USP6: variants seen among roughly 807,000 people sequenced by gnomAD.
USP6 encodes the protein ubiquitin carboxyl-terminal hydrolase 6.
USP6 carries 128 observed loss-of-function variants against 175.7 expected under a neutral mutation model. The ratio of observed to expected loss-of-function variants is 0.73; its 90% confidence interval spans 0.63 to 0.84. The LOEUF (loss-of-function observed/expected upper bound fraction) is 0.84, where lower values mean the gene tolerates loss of function less well. USP6 is among the 40% of genes least tolerant of loss of function. The probability of loss-of-function intolerance (pLI) is 0.00; values close to 1 mark genes in which losing one functional copy is unlikely to be tolerated. For missense variants in USP6, 1,498 were observed against 1,760.3 expected, an observed-to-expected ratio of 0.85 and a Z score of 2.67; for synonymous variants, 562 against 630.6, an observed-to-expected ratio of 0.89 and a Z score of 1.63.
chr17:5,136,294 A>T (rs1171829574), intron 17 of USP6, among the ~76,000 whole-genome samples: 1 of 152,222 alleles, frequency 6.6e-6, no homozygotes, highest in Admixed American at 6.5e-5. Context: ...GACCAAGCCC[A>T]GGTGGCAGCA....
intron 28 of USP6, 52 bp downstream of exon 28, chr17:5,146,226 T>G (rs1311331314): frequency 2.0e-6 from 3 of 1,523,618 alleles, no homozygotes; most frequent in Non-Finnish European, 2.7e-6. Context: ...AAAGATGACA[T>G]TTTTCTCAAT....
At position 5,147,046 on chromosome 17, in the gene USP6, A is replaced by G. The variant is rs369739310; in HGVS notation, c.2320-37A>G. 3.8e-6 allele frequency: 6 copies of G among 1,566,750 alleles called. No individual in the cohort carries two copies. The African/African-American group carries it at 8.2e-5, about 21-fold the overall frequency. ...AGAGAACTTTTCCTTTTTATCTGAA[A>G]CATCTCCCCCTTCTCATCTTGCTGC... On this transcript the variant is annotated intron_variant, in intron 28 of 37. Coordinates refer to ENST00000574788, the MANE Select transcript of USP6 (RefSeq NM_001304284.2).
intron 27 of USP6, 28 bp downstream of exon 27, chr17:5,145,607 T>G (rs766537356): frequency 2.0e-5 from 31 of 1,543,370 alleles, no homozygotes; most frequent in Middle Eastern, 1.7e-4. Flanking sequence ...GAAAAATTAC[T>G]TGATTCCATT....
rs568632367 is a variant in USP6, at chr17:5,133,640, G to C, written c.384+90G>C. ...GGGAACGTCAAGCCCACCCTGGGGT[G>C]GGGGGGTGGGAGGGGATGGTTAGAT... On this transcript the variant is annotated intron_variant, in intron 14 of 37. Transcript: ENST00000574788. 7.3e-4 allele frequency: 737 copies of C among 1,009,364 alleles called. 19 individuals are homozygous for C. Among genetic ancestry groups the C allele is most frequent in the Admixed American group, 4.2e-3 (220 of 52,718 alleles). The allele number at this position is 1,009,364 out of a possible 1,614,324, so 62.5% of individuals were successfully genotyped here.
At chr17:5,145,056 A>C (rs1417919205) in intron 26 of USP6, among the ~76,000 whole-genome samples, 193 bp downstream of exon 26, 1 of 152,232 alleles carries the variant, frequency 6.6e-6, no homozygotes, top group Admixed American at 6.5e-5. Flanking sequence ...TGAATATAGA[A>C]AACTGTTGCC....
rs1359066801 is a variant in USP6, at chr17:5,116,033, G to A, written c.-2635G>A. ...CAAGGCACGGAGGCCAGGCAGAGGG[G>A]ACAGCTAGCGGCGCGGCGGGACGGG... On this transcript the variant is annotated 5_prime_UTR_variant, in exon 1 of 38. Coordinates refer to ENST00000574788, the MANE Select transcript of USP6 (RefSeq NM_001304284.2). 4.6e-5 allele frequency among the ~76,000 whole-genome samples: 7 copies of A among 152,228 alleles called. No individual in the cohort carries two copies. The highest frequency in any genetic ancestry group is 1.0e-4 in the Non-Finnish European group (7 of 68,022).
rs754726566 is a variant in USP6 at position 5,168,883 on chromosome 17, G to A, written c.3345G>A (p.Pro1115=). 10 of 1,613,652 alleles carry A rather than the reference G, an allele frequency of 6.2e-6. No individual in the cohort carries two copies. In the African/African-American group the frequency reaches 6.7e-5, roughly 11 times the overall value. Residue 1115 remains proline (P), a synonymous_variant, in exon 35 of 38, where the codon CCG becomes CCA. Transcript: ENST00000574788. ...GTGCTTTTTTGGTACCACGAGACCCGGCCCTCTGCCAGCATAAACCACTCA... is the reference window on the plus strand; with the variant it reads ...GTGCTTTTTTGGTACCACGAGACCCAGCCCTCTGCCAGCATAAACCACTCA... The part of the protein sequence containing the change: ...DPSAFLVPRD[P]ALCQHKPLTP...
intron 32 of USP6, 77 bp from the exon 33 acceptor site, chr17:5,162,807 G>C: frequency 1.3e-6 from 2 of 1,553,102 alleles, no homozygotes; most frequent in African/African-American, 2.8e-5. Context: ...AGTAGGAAGG[G>C]AGAATATTTT....
At chr17:5,141,890 C>T (rs1234375473) in intron 23 of USP6, 113 bp from the exon 24 acceptor site, 1 of 1,469,012 alleles carries the variant, frequency 6.8e-7, no homozygotes, top group African/African-American at 1.4e-5. Context: ...ATTATTAGCA[C>T]CATTTAGCTG....
At chr17:5,169,722 G>A (rs1342717451) in intron 35 of USP6, among the ~76,000 whole-genome samples, 1 of 152,182 alleles carries the variant, frequency 6.6e-6, no homozygotes, top group African/African-American at 2.4e-5. Flanking sequence ...GATTACAGGT[G>A]TGAGCCACTG....
intron 21 of USP6, among the ~76,000 whole-genome samples, 156 bp downstream of exon 21, chr17:5,138,429 C>T (rs932565450): frequency 5.9e-5 from 9 of 152,156 alleles, no homozygotes; most frequent in East Asian, 5.8e-4. Flanking sequence ...GGAGGCCCAC[C>T]GGTCCTCAGG....
At chr17:5,141,360 G>T in intron 22 of USP6, 65 bp from the exon 23 acceptor site, 2 of 1,394,476 alleles carry the variant, frequency 1.4e-6, no homozygotes, top group Non-Finnish European at 2.0e-6. Flanking sequence ...AAAAAAAACA[G>T]AAGCAATCAA....
At chr17:5,169,662 G>A (rs1472207243) in intron 35 of USP6, among the ~76,000 whole-genome samples, 3 of 151,922 alleles carry the variant, frequency 2.0e-5, no homozygotes, top group South Asian at 2.1e-4. Context: ...GGCTGGGCTC[G>A]AACTCCTGCA....
chr17:5,139,063 A>G (rs773346198), intron 21 of USP6, 192 bp from the exon 22 acceptor site: 46 of 1,589,480 alleles, frequency 2.9e-5, no homozygotes, highest in Non-Finnish European at 3.6e-5. Context: ...CCATGCCCCA[A>G]CGGCTTCCCC....
intron 26 of USP6, 151 bp downstream of exon 26, chr17:5,145,014 AT>A: frequency 7.9e-7 from 1 of 1,260,858 alleles, no homozygotes; most frequent in Non-Finnish European, 1.1e-6. Context: ...CTTAATTGTT[AT>A]GTGATAATGC....
chr17:5,140,370 A>G (rs2073409674), intron 22 of USP6, among the ~76,000 whole-genome samples: 1 of 152,122 alleles, frequency 6.6e-6, no homozygotes, highest in Admixed American at 6.5e-5. Context: ...TAGAAGTCTG[A>G]GACCAGCCTG....
intron 33 of USP6, 152 bp downstream of exon 33, chr17:5,163,156 C>G: frequency 8.0e-7 from 1 of 1,254,292 alleles, no homozygotes; most frequent in Non-Finnish European, 1.1e-6. Flanking sequence ...GACATGTTTG[C>G]TTGAGCTTTT....
chr17:5,165,442 G>A (rs985913964), intron 33 of USP6, among the ~76,000 whole-genome samples: 1 of 152,094 alleles, frequency 6.6e-6, no homozygotes, highest in African/African-American at 2.4e-5. Context: ...TTAGCCAGGT[G>A]TGGTGGTGTG....
chr17:5,158,614 GGAGAGAGAGAGAGAGAGAGAGAGAGA>G (rs71151843), intron 31 of USP6, among the ~76,000 whole-genome samples: 56 of 26,358 alleles, frequency 2.1e-3, no homozygotes, highest in Non-Finnish European at 3.5e-3. Flanking sequence ...AGGGAGAGGG[GGAGAGAGAGAGAGAGAGAGAGAGAGA>G]GAGAGAGAGA....
Sources: allele counts gnomAD v4.1 joint callset (sites outside exome capture counted in the v4.1 genomes callset), GRCh38; gene constraint gnomAD v4.1.1; transcripts MANE v1.5; gene names NCBI Gene and HGNC (gene_info 2026-07-23, HGNC 2026-07-21).